Variants in IP6K3 observed in about 807,000 individuals in gnomAD.
The protein encoded by IP6K3 is ATP:1D-myo-inositol-hexakisphosphate phosphotransferase.
In IP6K3, 20 loss-of-function variants were observed where a neutral mutation model predicts 28.8. The ratio of observed to expected loss-of-function variants is 0.70; its 90% CI spans 0.49 to 1.01. The LOEUF is 1.01. Among genes scored for constraint, IP6K3 ranks in the 50% least tolerant of loss-of-function variants. The pLI is 0.00. For missense variants in IP6K3, 480 were observed against 537.1 expected (o/e 0.89, Z 1.05); for synonymous variants, 213 against 221.3 (o/e 0.96, Z 0.33).
chr6:33,739,060 TC>T (rs1333218711), intron 1 of IP6K3: 1 of 152,212 alleles, frequency 6.6e-6, no homozygotes, highest in Non-Finnish European at 1.5e-5. Context: ...GCACTGTCAT[TC>T]CCAGCAGGGA....
At chr6:33,726,598 C>T (rs1238666087) in intron 4 of IP6K3, 133 bp downstream of exon 4, 6 of 923,264 alleles carry the variant, frequency 6.5e-6, no homozygotes, top group Non-Finnish European at 9.4e-6. Context: ...CCAGCTATCC[C>T]TCACATCTGT....
intron 1 of IP6K3, among the ~76,000 whole-genome samples, chr6:33,740,439 C>T (rs912350681): frequency 1.3e-5 from 2 of 152,220 alleles, no homozygotes; most frequent in African/African-American, 4.8e-5. Context: ...TAAATGAGGC[C>T]CTGGGCTGTC....
chr6:33,734,000 C>G (rs988311568), intron 2 of IP6K3, among the ~76,000 whole-genome samples: 1 of 152,100 alleles, frequency 6.6e-6, no homozygotes, highest in Admixed American at 6.5e-5. Flanking sequence ...GTTGGGAGTT[C>G]GAGACCAGCC....
chr6:33,748,811 A>G (rs994684195), upstream of IP6K3, among the ~76,000 whole-genome samples: 1 of 151,908 alleles, frequency 6.6e-6, no homozygotes. Context: ...CCCCACAGAA[A>G]TAACAGGAAT....
chr6:33,739,205 A>G (rs1766635132), intron 1 of IP6K3: 1 of 151,214 alleles, frequency 6.6e-6, no homozygotes, highest in Non-Finnish European at 1.5e-5. Flanking sequence ...AGCAGTGGAA[A>G]CTCCCTTGCC....
chr6:33,750,543 T>G (rs541650862), upstream of IP6K3, among the ~76,000 whole-genome samples: 1 of 152,332 alleles, frequency 6.6e-6, no homozygotes, highest in South Asian at 2.1e-4. This position sits in a 1 kb window ranked among gnomAD's most constrained non-coding sequence, Gnocchi z 4.3. Flanking sequence ...TGTAGTTGCA[T>G]ATTTATGTGT....
At chr6:33,726,962 C>T in intron 3 of IP6K3, 56 bp from the exon 4 acceptor site, 3 of 1,482,898 alleles carry the variant, frequency 2.0e-6, no homozygotes, top group Non-Finnish European at 2.7e-6. Context: ...AAGGGCGCCG[C>T]TGCCTGTGGC....
chr6:33,747,489 TAA>T (rs1766946463), upstream of IP6K3, among the ~76,000 whole-genome samples: 1 of 152,068 alleles, frequency 6.6e-6, no homozygotes, highest in South Asian at 2.1e-4. This position sits in a 1 kb window ranked among gnomAD's most constrained non-coding sequence, Gnocchi z 5.2. Context: ...AACTCCAGGA[TAA>T]GTGTCTGGTG....
chr6:33,732,917 C>T (rs899274489), intron 2 of IP6K3, among the ~76,000 whole-genome samples: 1 of 152,222 alleles, frequency 6.6e-6, no homozygotes, highest in Non-Finnish European at 1.5e-5. Context: ...CATCTGAGCA[C>T]CTGAGTCCTG....
chr6:33,725,443 G>A lies in IP6K3; in HGVS notation c.763C>T (p.Gln255Ter). ...ACLGVRICGM[Q>*]VYQTDKKYFL... The stretch of plus-strand genomic sequence containing the variant: ...GTGGTGGGTCCCCTGCGACCTACCT[G>A]CATGCCGCAGATGCGCACACCCAGG... The change falls in exon 5 of 6, where the codon CAG becomes TAG. Residue 255 changes from glutamine to a stop codon, truncating the protein, a stop_gained and splice_region_variant. Transcript: ENST00000293756. LOFTEE classifies it low-confidence loss of function (END_TRUNC). The A allele has an allele frequency of 6.2e-7, 1 of 1,608,014 alleles. No homozygotes were observed. Among genetic ancestry groups the A allele is most frequent in the Non-Finnish European group, 8.5e-7 (1 of 1,178,872 alleles).
rs778338684 is a variant in IP6K3 at position 33,742,679 on chromosome 6, G to A, written c.-180+4079C>T. The stretch of plus-strand genomic sequence containing the variant: ...TTAACAAAATACAAATTCATTTAAA[G>A]GCATTATTGAATTCCTAGTAGTTTT... On this transcript the variant is annotated intron_variant, in intron 1 of 5. Coordinates refer to ENST00000293756, the MANE Select transcript of IP6K3 (RefSeq NM_054111.5). This position sits in a 1 kb window ranked among gnomAD's most constrained non-coding sequence, Gnocchi z 4.5. Among the ~76,000 whole-genome samples the A allele has an allele frequency of 1.3e-5, 2 of 152,154 alleles. No individual in the cohort carries two copies. The highest frequency in any genetic ancestry group is 2.9e-5 in the Non-Finnish European group (2 of 68,032).
In IP6K3 at chr6:33,744,370, C is replaced by T. The variant is rs1026957143; in HGVS notation, c.-180+2388G>A. Among the ~76,000 whole-genome samples the T allele has an allele frequency of 1.3e-5, 2 of 152,226 alleles. No homozygotes were observed. Among genetic ancestry groups the T allele is most frequent in the African/African-American group, 2.4e-5 (1 of 41,456 alleles). ...TCTTGTGCAAGAGACCTATGAGCCACAGACGTAAGGTGTTGCCAGCGGTTA... is the reference window on the plus strand; with the variant it reads ...TCTTGTGCAAGAGACCTATGAGCCATAGACGTAAGGTGTTGCCAGCGGTTA... On this transcript the variant is annotated intron_variant, in intron 1 of 5. Transcript: ENST00000293756. This position sits in a 1 kb window ranked among gnomAD's most constrained non-coding sequence, Gnocchi z 4.4.
At chr6:33,731,105 C>T (rs951827208) in intron 2 of IP6K3, among the ~76,000 whole-genome samples, 9 of 152,184 alleles carry the variant, frequency 5.9e-5, no homozygotes, top group African/African-American at 2.2e-4. Flanking sequence ...GTCCCAAGCC[C>T]ATCTTTCCAG....
chr6:33,754,194 G>T, the IP6K3 span, among the ~76,000 whole-genome samples: 1 of 152,162 alleles, frequency 6.6e-6, no homozygotes, highest in Non-Finnish European at 1.5e-5. Context: ...ACCCAGCTGG[G>T]CCGGGGGAGA....
Position 33,742,991 on chromosome 6 carries a change from G to C in IP6K3, c.-180+3767C>G, listed in dbSNP as rs1328489834. Among the ~76,000 whole-genome samples the C allele has an allele frequency of 6.6e-6, 1 of 152,122 alleles. No homozygotes were observed. Among genetic ancestry groups the C allele is most frequent in the Non-Finnish European group, 1.5e-5 (1 of 68,028 alleles). On this transcript the variant is annotated intron_variant, in intron 1 of 5. Transcript: ENST00000293756. The surrounding 1 kb of genome is among the most constrained non-coding windows in gnomAD (Gnocchi z 4.5). Reference sequence around the variant, plus strand: ...AGATGGTGGGAGGCGATGGCTGGAGGGGAGTGTTGTGTGGAGGAGGAGGAT... The same window carrying C: ...AGATGGTGGGAGGCGATGGCTGGAGCGGAGTGTTGTGTGGAGGAGGAGGAT...
chr6:33,743,932 A>G (rs1409175680), intron 1 of IP6K3, among the ~76,000 whole-genome samples: 3 of 151,984 alleles, frequency 2.0e-5, no homozygotes, highest in Non-Finnish European at 4.4e-5. Context: ...TACGATTTTA[A>G]TACAGAGATT....
the IP6K3 span, among the ~76,000 whole-genome samples, chr6:33,756,034 T>G: frequency 6.6e-6 from 1 of 152,282 alleles, no homozygotes; most frequent in East Asian, 1.9e-4. Flanking sequence ...CTGGCTAATT[T>G]TGTATTTTTA....
rs188093396 is a variant in IP6K3 at position 33,733,583 on chromosome 6, C to T, written c.199+1695G>A. On this transcript the variant is annotated intron_variant, in intron 2 of 5. Coordinates refer to ENST00000293756, the MANE Select transcript of IP6K3 (RefSeq NM_054111.5). Reference sequence around the variant, plus strand: ...CGCCCCACACATGATCCTGCCACCCCTCTGCTGGGCTAAGTTTAGTTGTGA... The same window carrying T: ...CGCCCCACACATGATCCTGCCACCCTTCTGCTGGGCTAAGTTTAGTTGTGA... Among the ~76,000 whole-genome samples, 439 of 152,390 alleles carry T rather than the reference C, an allele frequency of 2.9e-3. 3 individuals are homozygous for T. Among genetic ancestry groups the T allele is most frequent in the African/African-American group, 9.5e-3 (395 of 41,596 alleles).
In IP6K3 at chr6:33,728,284, G is replaced by A. The variant is rs766558233; in HGVS notation, c.216C>T (p.His72=). The A allele has an allele frequency of 6.2e-7, 1 of 1,614,190 alleles. No homozygotes were observed. Among genetic ancestry groups the A allele is most frequent in the Non-Finnish European group, 8.5e-7 (1 of 1,180,040 alleles). Residue 72 remains histidine (H), a synonymous_variant, in exon 3 of 6, where the codon CAC becomes CAT. Transcript: ENST00000293756. ...TPQYKGTVTV[H]LWKDSTGHLS... The stretch of plus-strand genomic sequence containing the variant: ...GATGGCCTGTGCTGTCTTTCCAGAG[G>A]TGCACTGTGACGGTACCTGCAAACA...
Sources: allele counts gnomAD v4.1 joint callset (sites outside exome capture counted in the v4.1 genomes callset), GRCh38; gene constraint gnomAD v4.1.1; non-coding constraint Gnocchi (gnomAD v3.1); transcripts MANE v1.5; gene names NCBI Gene and HGNC (gene_info 2026-07-23, HGNC 2026-07-21).